Variants in YTHDC2 observed in about 807,000 individuals in gnomAD.
YTHDC2 encodes the protein YTH N6-methyladenosine RNA binding protein C2.
In YTHDC2, 45 loss-of-function variants were observed where a neutral mutation model predicts 174.9. That is an observed-to-expected ratio of 0.26 (90% confidence interval 0.20 to 0.33). The LOEUF is 0.33. YTHDC2 is among the 10% of genes least tolerant of loss of function. YTHDC2 has a pLI of 1.00. For synonymous variants in YTHDC2, 657 were observed against 574.5 expected (o/e 1.14, Z -2.05); for missense variants, 1,650 against 1,723.7 (o/e 0.96, Z 0.76).
chr5:113,527,941 C>G (rs1774385262), intron 4 of YTHDC2, among the ~76,000 whole-genome samples: 2 of 152,098 alleles, frequency 1.3e-5, no homozygotes, highest in Admixed American at 1.3e-4. Context: ...CAGGCACCCG[C>G]CACCACGCCT....
rs1411330467 is a variant in YTHDC2, at chr5:113,593,934, A to G, written c.*460A>G. 1.3e-4 allele frequency: 19 copies of G among 151,724 alleles called. No homozygotes were observed. The highest frequency in any genetic ancestry group is 8.5e-4 in the Admixed American group (13 of 15,236). 9.4% of individuals were successfully genotyped at this position (151,724 alleles called of 1,614,324 possible). ...ACACCTATGAAAAGAAGCGGGGAAAACAACAACAAGGACAACAACAAAAAA... is the reference window on the plus strand; with the variant it reads ...ACACCTATGAAAAGAAGCGGGGAAAGCAACAACAAGGACAACAACAAAAAA... On this transcript the variant is annotated 3_prime_UTR_variant, in exon 30 of 30. Coordinates refer to ENST00000161863, the MANE Select transcript of YTHDC2 (RefSeq NM_022828.5).
At chr5:113,562,297 GT>G (rs1777046466) in intron 18 of YTHDC2, among the ~76,000 whole-genome samples, 1 of 142,574 alleles carries the variant, frequency 7.0e-6, no homozygotes, top group Admixed American at 7.3e-5. Context: ...TGTGTTTTAA[GT>G]TTTCTAACTT....
chr5:113,550,092 A>G (rs1298438178), intron 12 of YTHDC2, among the ~76,000 whole-genome samples: 2 of 135,156 alleles, frequency 1.5e-5, no homozygotes, highest in Non-Finnish European at 3.1e-5. Flanking sequence ...AAAAAGAAGT[A>G]AAAAGAAAAA....
chr5:113,553,630 T>G lies in YTHDC2; in HGVS notation c.1908T>G (p.Val636=), dbSNP rs777621616. ...TTCTGCCTGGATATGACGAAATTGT[T>G]GGACTGAGAGATCGCATCCTGTTTG... ...LIFLPGYDEI[V]GLRDRILFDD... Residue 636 remains valine, a synonymous_variant, in exon 14 of 30, where the codon GTT becomes GTG. Transcript: ENST00000161863. 1.1e-5 allele frequency: 18 copies of G among 1,613,434 alleles called. No homozygotes were observed. The South Asian group carries it at 1.9e-4, about 17-fold the overall frequency.
intron 2 of YTHDC2, among the ~76,000 whole-genome samples, chr5:113,515,792 A>G (rs983014238): frequency 2.0e-5 from 3 of 152,232 alleles, no homozygotes; most frequent in African/African-American, 7.2e-5. Context: ...ATGACAAGAC[A>G]AAGGAAAAGG....
At chr5:113,573,186 T>A (rs955173431) in intron 23 of YTHDC2, among the ~76,000 whole-genome samples, 1 of 152,206 alleles carries the variant, frequency 6.6e-6, no homozygotes, top group African/African-American at 2.4e-5. Flanking sequence ...CCCTCAGCAT[T>A]TGCTTGTCTG....
chr5:113,533,804 T>C (rs546055189), intron 5 of YTHDC2, among the ~76,000 whole-genome samples: 9 of 152,186 alleles, frequency 5.9e-5, no homozygotes, highest in Non-Finnish European at 1.0e-4. Context: ...AACATGACAC[T>C]CAAAGGAAAT....
chr5:113,586,203 T>C (rs1375747313), intron 26 of YTHDC2, among the ~76,000 whole-genome samples: 3 of 152,054 alleles, frequency 2.0e-5, no homozygotes, highest in Non-Finnish European at 2.9e-5. Flanking sequence ...GCCATTCCAG[T>C]TGGGTATGTG....
At chr5:113,565,846 A>G (rs1267129087) in intron 20 of YTHDC2, 47 bp from the exon 21 acceptor site, 22 of 1,579,886 alleles carry the variant, frequency 1.4e-5, no homozygotes, top group Non-Finnish European at 1.8e-5. Flanking sequence ...CTCACTAAGA[A>G]GCGATTAGTA....
Position 113,593,463 on chromosome 5 carries a change from TTTTTCC to T in YTHDC2, c.*8-18_*8-13del, listed in dbSNP as rs1779111673. ...GAACCTTTCAGATTATTTATCTTTT[TTTTTCC>T]CCTTTCTTCTAGAACTCTTAGCTGT... On this transcript the variant is annotated splice_polypyrimidine_tract_variant and intron_variant, in intron 29 of 29. Transcript: ENST00000161863. The T allele has an allele frequency of 7.3e-6, 9 of 1,227,098 alleles. No homozygotes were observed. In the South Asian group the frequency reaches 1.2e-4, roughly 17 times the overall value. 76.0% of individuals were successfully genotyped at this position (1,227,098 alleles called of 1,614,324 possible).
chr5:113,533,186 C>A, intron 5 of YTHDC2, 141 bp downstream of exon 5: 1 of 873,896 alleles, frequency 1.1e-6, no homozygotes, highest in Non-Finnish European at 1.7e-6. Flanking sequence ...ATATTAAAGT[C>A]ATGTCTAAAT....
chr5:113,557,396 A>G (rs1776684724), intron 17 of YTHDC2, among the ~76,000 whole-genome samples: 2 of 152,218 alleles, frequency 1.3e-5, no homozygotes, highest in African/African-American at 2.4e-5. Context: ...TTGTAACTTC[A>G]TAGAATGCCC....
In YTHDC2 at chr5:113,589,408, A is replaced by ATATATATATATATATAT. The variant is rs1554103528; in HGVS notation, c.3826-1633_3826-1632insTATATATATATATATAT. ...TCTTTTAAAAATTAAAAAAAAAAAA[A>ATATATATATATATATAT]ATATATATATATATATATATATATG... On this transcript the variant is annotated intron_variant, in intron 26 of 29. Transcript: ENST00000161863. 3.4e-3 allele frequency among the ~76,000 whole-genome samples: 423 copies of ATATATATATATATATAT among 123,114 alleles called. 2 individuals carry two copies. The highest frequency in any genetic ancestry group is 5.3e-3 in the Non-Finnish European group (329 of 61,586). The allele number at this position is 123,114 out of a possible 152,430, so 80.8% of individuals were successfully genotyped here.
At chr5:113,590,879 G>A (rs1220246971) in intron 26 of YTHDC2, among the ~76,000 whole-genome samples, 162 bp from the exon 27 acceptor site, 1 of 152,110 alleles carries the variant, frequency 6.6e-6, no homozygotes, top group African/African-American at 2.4e-5. Flanking sequence ...ACTTTATTTT[G>A]GTTGAGTCTT....
Position 113,563,978 on chromosome 5 carries a change from G to A in YTHDC2, c.2562G>A (p.Leu854=). 6.2e-7 allele frequency: 1 copy of A among 1,614,082 alleles called. No homozygotes were observed. The highest frequency in any genetic ancestry group is 8.5e-7 in the Non-Finnish European group (1 of 1,180,006). Residue 854 remains leucine, a synonymous_variant, in exon 20 of 30, where the codon CTG becomes CTA. Transcript: ENST00000161863. The part of the protein sequence containing the change: ...MVLCAVVLKC[L]DPILTIACTL... ...TGTGTGCTGTTGTTTTAAAGTGTCT[G>A]GACCCCATCCTTACAATTGCTTGCA... is the stretch of plus-strand genomic sequence containing the variant.
At chr5:113,569,084 C>T (rs1392105980) in intron 23 of YTHDC2, among the ~76,000 whole-genome samples, 1 of 152,148 alleles carries the variant, frequency 6.6e-6, no homozygotes, top group Non-Finnish European at 1.5e-5. Context: ...TTTTGAATTG[C>T]ATTCCAGTAA....
intron 8 of YTHDC2, among the ~76,000 whole-genome samples, chr5:113,539,833 T>C (rs750605309): frequency 1.2e-4 from 19 of 152,126 alleles, no homozygotes; most frequent in African/African-American, 4.3e-4. Flanking sequence ...GCTGATTTCA[T>C]TGGGAAGCAC....
chr5:113,553,991 T>C lies in YTHDC2; in HGVS notation c.2102T>C (p.Val701Ala). ...AETSITVNDV[V>A]FVIDSGKVKE... Reference sequence around the variant, plus strand: ...ACCAGCATCACAGTCAATGATGTTGTCTTTGTTATTGATTCTGGTAAGGTG... The same window carrying C: ...ACCAGCATCACAGTCAATGATGTTGCCTTTGTTATTGATTCTGGTAAGGTG... The change falls in exon 16 of 30, where the codon GTC becomes GCC. Residue 701 changes from valine (V) to alanine (A), a missense_variant. This residue lies in a region of YTHDC2 where 913 missense variants were observed against 940.4 expected (regional missense o/e 0.97). Coordinates refer to ENST00000161863, the MANE Select transcript of YTHDC2 (RefSeq NM_022828.5). The C allele has an allele frequency of 6.3e-7, 1 of 1,576,118 alleles. No homozygotes were observed. Among genetic ancestry groups the C allele is most frequent in the Admixed American group, 1.9e-5 (1 of 52,768 alleles).
intron 2 of YTHDC2, among the ~76,000 whole-genome samples, chr5:113,519,614 A>G (rs1421108615): frequency 6.6e-6 from 1 of 152,238 alleles, no homozygotes; most frequent in Non-Finnish European, 1.5e-5. Flanking sequence ...ACCAAAGTAC[A>G]GTTCTGGAGG....
Sources: allele counts gnomAD v4.1 joint callset (sites outside exome capture counted in the v4.1 genomes callset), GRCh38; gene constraint gnomAD v4.1.1; regional missense constraint gnomAD v4.1.1; transcripts MANE v1.5; gene names NCBI Gene and HGNC (gene_info 2026-07-23, HGNC 2026-07-21).